Variants in PHC3 observed in about 807,000 individuals in gnomAD.
PHC3 encodes polyhomeotic-like protein 3.
In PHC3, 13 loss-of-function variants were observed where a neutral mutation model predicts 107.4. That is an observed-to-expected ratio of 0.12 (90% confidence interval 0.08 to 0.19). The LOEUF (loss-of-function observed/expected upper bound fraction) is 0.19. Ranked by LOEUF, PHC3 falls within the 10% of genes least tolerant of loss-of-function variation. The pLI is 1.00. For synonymous variants in PHC3, 456 were observed against 427.4 expected (o/e 1.07, Z -0.83); for missense variants, 992 against 1,210.9 (o/e 0.82, Z 2.68).
rs1376118901 is a variant in PHC3, at chr3:170,089,924, AAAAAG to A, written c.*7301_*7305del. 385 of 148,962 alleles carry A rather than the reference AAAAAG, an allele frequency of 2.6e-3. 2 individuals are homozygous for A. The highest frequency in any genetic ancestry group is 9.1e-3 in the African/African-American group (359 of 39,388). The allele number at this position is 148,962 out of a possible 1,614,324, so 9.2% of individuals were successfully genotyped here. On this transcript the variant is annotated 3_prime_UTR_variant, in exon 15 of 15. Transcript: ENST00000495893. The stretch of plus-strand genomic sequence containing the variant: ...AGAGCGAACCCATCTCAAAAAAAAA[AAAAAG>A]AAAAAAAAAAAAAAAGAAAGAAAGT...
intron 4 of PHC3, among the ~76,000 whole-genome samples, chr3:170,157,982 T>G (rs1450155686): frequency 6.6e-6 from 1 of 151,926 alleles, no homozygotes; most frequent in Non-Finnish European, 1.5e-5. Context: ...TGGTAGAACA[T>G]TATATACTCA....
At chr3:170,162,563 C>T (rs918379370) in intron 4 of PHC3, among the ~76,000 whole-genome samples, 1 of 152,198 alleles carries the variant, frequency 6.6e-6, no homozygotes, top group Non-Finnish European at 1.5e-5. Context: ...ATCTAGCTAA[C>T]TACTTTTCTC....
intron 11 of PHC3, among the ~76,000 whole-genome samples, chr3:170,110,305 A>G (rs574292489): frequency 6.6e-6 from 1 of 152,190 alleles, no homozygotes; most frequent in South Asian, 2.1e-4. Flanking sequence ...CTAATATCCA[A>G]GGTTCTCCAG....
chr3:170,126,930 G>GT (rs1185042699), intron 8 of PHC3, among the ~76,000 whole-genome samples: 1 of 148,114 alleles, frequency 6.8e-6, no homozygotes, highest in Non-Finnish European at 1.5e-5. Flanking sequence ...GTTTTTTTTT[G>GT]TTTGTTTTTA....
chr3:170,171,416 G>A lies in PHC3; in HGVS notation c.371C>T (p.Pro124Leu), dbSNP rs1415779065. The change falls in exon 4 of 15, where the codon CCC becomes CTC. Residue 124 changes from proline to leucine, a missense_variant. Physicochemically the swap from Pro to Leu is moderately conservative, Grantham distance 98 (BLOSUM62 -3). This residue lies in a region of PHC3 where 161 missense variants were observed against 183.7 expected (regional missense o/e 0.88). Transcript: ENST00000495893. Reference protein sequence around the residue: ...SLSSGRPSTSPTGSVTQQSSM... With the variant: ...SLSSGRPSTSLTGSVTQQSSM... ...TGACTGCTGTGTGACACTTCCTGTG[G>A]GAGATGTAGATGGTCTTCCACTGGA... 1.2e-6 allele frequency: 2 copies of A among 1,607,332 alleles called. No homozygotes were observed. Among genetic ancestry groups the A allele is most frequent in the Non-Finnish European group, 1.7e-6 (2 of 1,177,728 alleles).
rs746781654 is a variant in PHC3 at position 170,113,437 on chromosome 3, A to G, written c.2276T>C (p.Val759Ala). ...LDNQVINSVCVQPELQNNTKH... is the reference protein window; with the variant it reads ...LDNQVINSVCAQPELQNNTKH... ...TGTATTATTCTGTAGCTCTGGCTGA[A>G]CACACACTGAATTTATCACCTGATT... Residue 759 changes from valine to alanine, a missense_variant, in exon 11 of 15, where the codon GTT (valine) becomes GCT (alanine). By Grantham distance (64) the Val-to-Ala change is moderately conservative. Transcript: ENST00000495893. The G allele has an allele frequency of 6.2e-7, 1 of 1,613,514 alleles. No homozygotes were observed. Among genetic ancestry groups the G allele is most frequent in the Non-Finnish European group, 8.5e-7 (1 of 1,179,662 alleles).
At position 170,141,098 on chromosome 3, in the gene PHC3, GA is replaced by G. The variant is rs534884623; in HGVS notation, c.672+4324del. ...GTTGTACTGACTTCTATAGCTTAAA[GA>G]ATATTAAAATACAACTTCAGATTTG... is the stretch of plus-strand genomic sequence containing the variant. On this transcript the variant is annotated intron_variant, in intron 6 of 14. Transcript: ENST00000495893. Among the ~76,000 whole-genome samples the G allele has an allele frequency of 2.0e-5, 3 of 152,226 alleles. No homozygotes were observed. The South Asian group carries it at 6.2e-4, about 32-fold the overall frequency.
intron 9 of PHC3, among the ~76,000 whole-genome samples, chr3:170,120,602 C>T (rs1042766162): frequency 5.9e-5 from 9 of 152,050 alleles, no homozygotes; most frequent in African/African-American, 2.2e-4. Context: ...TAAAACTCAC[C>T]TTAAATATTT....
At position 170,167,323 on chromosome 3, in the gene PHC3, T is replaced by C. The variant is rs749413729; in HGVS notation, c.414+4050A>G. On this transcript the variant is annotated intron_variant, in intron 4 of 14. Coordinates refer to ENST00000495893, the MANE Select transcript of PHC3 (RefSeq NM_024947.4). ...GCCACCACATCCAGCTAATTTTTTG[T>C]TGTTGTATTTTGCTTGTAGAGATGG... Among the ~76,000 whole-genome samples the C allele has an allele frequency of 3.3e-5, 5 of 152,296 alleles. No individual in the cohort carries two copies. In the East Asian group the frequency reaches 5.8e-4, roughly 18 times the overall value.
intron 8 of PHC3, among the ~76,000 whole-genome samples, chr3:170,123,118 T>A (rs1577059233): frequency 6.6e-6 from 1 of 152,290 alleles, no homozygotes; most frequent in East Asian, 1.9e-4. Flanking sequence ...GATACTAACA[T>A]TTTTCATAAG....
intron 12 of PHC3, among the ~76,000 whole-genome samples, chr3:170,103,537 A>C (rs1715885540): frequency 6.6e-6 from 1 of 152,222 alleles, no homozygotes; most frequent in Admixed American, 6.5e-5. Context: ...ATTTTCTTTT[A>C]TCACAATAGA....
chr3:170,159,368 G>A (rs1377543044), intron 4 of PHC3, among the ~76,000 whole-genome samples: 2 of 151,738 alleles, frequency 1.3e-5, no homozygotes, highest in Non-Finnish European at 2.9e-5. Context: ...ACAAGAAAAT[G>A]CTCTGAGAAA....
intron 4 of PHC3, among the ~76,000 whole-genome samples, chr3:170,168,049 C>G (rs1728996485): frequency 6.6e-6 from 1 of 151,970 alleles, no homozygotes; most frequent in African/African-American, 2.4e-5. Flanking sequence ...GTAGTCCCAG[C>G]TACTCAGCAG....
intron 3 of PHC3, 130 bp downstream of exon 3, chr3:170,172,427 T>A: frequency 1.0e-6 from 1 of 969,174 alleles, no homozygotes; most frequent in Non-Finnish European, 1.5e-6. Flanking sequence ...AACCTATTAA[T>A]ATATTTCCTC....
intron 9 of PHC3, among the ~76,000 whole-genome samples, chr3:170,119,146 A>G (rs537501496): frequency 3.3e-5 from 5 of 152,078 alleles, no homozygotes; most frequent in Non-Finnish European, 7.4e-5. Flanking sequence ...TTATCAAACT[A>G]AGGAACTTCA....
rs768658428 is a variant in PHC3, at chr3:170,106,807, G to A, written c.2468+25C>T. ...TGCAATGGCTATTTATCTGTCCTTT[G>A]GGAAATTCAAGAGCACAGAAATACC... is the stretch of plus-strand genomic sequence containing the variant. On this transcript the variant is annotated intron_variant, in intron 12 of 14. Coordinates refer to ENST00000495893, the MANE Select transcript of PHC3 (RefSeq NM_024947.4). 1.0e-5 allele frequency: 16 copies of A among 1,560,554 alleles called. No homozygotes were observed. In the Admixed American group the frequency reaches 2.0e-4, roughly 20 times the overall value.
intron 1 of PHC3, among the ~76,000 whole-genome samples, chr3:170,181,155 C>T (rs991977245): frequency 1.3e-5 from 2 of 152,198 alleles, no homozygotes; most frequent in Admixed American, 1.3e-4. Flanking sequence ...CTGCAAGCAG[C>T]CCCCGCCGCT....
intron 2 of PHC3, chr3:170,176,843 T>C (rs1456734261): frequency 1.3e-5 from 6 of 447,822 alleles, no homozygotes; most frequent in South Asian, 6.3e-5. Flanking sequence ...CTCAGAGTAA[T>C]TAATGAAAGA....
chr3:170,144,234 G>A (rs577321370), intron 6 of PHC3, among the ~76,000 whole-genome samples: 42 of 151,706 alleles, frequency 2.8e-4, no homozygotes, highest in Non-Finnish European at 4.0e-4. Context: ...CCAGCTACTC[G>A]GGAGGTTGAG....
Sources: allele counts gnomAD v4.1 joint callset (sites outside exome capture counted in the v4.1 genomes callset), GRCh38; gene constraint gnomAD v4.1.1; regional missense constraint gnomAD v4.1.1; transcripts MANE v1.5; gene names NCBI Gene and HGNC (gene_info 2026-07-23, HGNC 2026-07-21).